Variants in IFT88 observed in about 807,000 individuals in gnomAD.
The protein encoded by IFT88 is intraflagellar transport protein 88 homolog.
A neutral mutation model predicts 119.5 loss-of-function variants in IFT88; 74 were observed. That is an observed-to-expected ratio of 0.62 (90% CI 0.51 to 0.75). The LOEUF is 0.75. Ranked by LOEUF, IFT88 falls within the 30% of genes least tolerant of loss-of-function variation. IFT88 has a pLI of 0.00. For synonymous variants in IFT88, 279 were observed against 316.7 expected (o/e 0.88, Z 1.26); for missense variants, 961 against 977.7 (o/e 0.98, Z 0.23).
At chr13:20,689,189 C>T (rs1002948075) in intron 24 of IFT88, among the ~76,000 whole-genome samples, 2 of 152,174 alleles carry the variant, frequency 1.3e-5, no homozygotes, top group African/African-American at 4.8e-5. Flanking sequence ...GCCTTGGCCT[C>T]CCAAAGTGCT....
intron 16 of IFT88, 35 bp from the exon 17 acceptor site, chr13:20,638,297 G>A (rs989014662): frequency 8.6e-7 from 1 of 1,157,868 alleles, no homozygotes; most frequent in Non-Finnish European, 1.1e-6. Flanking sequence ...GGTATTTCAT[G>A]AAATTCAAAT....
At chr13:20,669,505 C>T (rs1461509679) in intron 23 of IFT88, among the ~76,000 whole-genome samples, 3 of 149,528 alleles carry the variant, frequency 2.0e-5, no homozygotes, top group Non-Finnish European at 3.0e-5. Context: ...CTCACTGCAA[C>T]CCCCACCTCC....
intron 11 of IFT88, among the ~76,000 whole-genome samples, chr13:20,600,656 C>G (rs1225517543): frequency 6.6e-6 from 1 of 152,104 alleles, no homozygotes; most frequent in Non-Finnish European, 1.5e-5. Context: ...AATTAGAAAC[C>G]TCATTCACTG....
intron 21 of IFT88, among the ~76,000 whole-genome samples, chr13:20,654,408 T>C (rs1216789572): frequency 6.6e-6 from 1 of 152,212 alleles, no homozygotes; most frequent in African/African-American, 2.4e-5. Flanking sequence ...TTTATTAAAT[T>C]CTTGCTGATG....
At chr13:20,658,340 CAAATTGCTA>C (rs2053218189) in intron 22 of IFT88, among the ~76,000 whole-genome samples, 1 of 152,138 alleles carries the variant, frequency 6.6e-6, no homozygotes, top group Non-Finnish European at 1.5e-5. Flanking sequence ...TTCAGCCTCC[CAAATTGCTA>C]GGATTGCAGG....
At chr13:20,570,070 A>G (rs1025843483) in intron 1 of IFT88, among the ~76,000 whole-genome samples, 11 of 152,042 alleles carry the variant, frequency 7.2e-5, no homozygotes, top group Non-Finnish European at 1.6e-4. Context: ...AAAGATCTGA[A>G]CAGACATTTC....
At chr13:20,610,904 C>T (rs1451996220) in intron 13 of IFT88, among the ~76,000 whole-genome samples, 6 of 151,872 alleles carry the variant, frequency 4.0e-5, no homozygotes, top group South Asian at 2.1e-4. Flanking sequence ...TTTGTGGTAC[C>T]GAGGTGGGTG....
rs2057366566 is a variant in IFT88 at position 20,681,915 on chromosome 13, T to C, written c.2243-8790T>C. Among the ~76,000 whole-genome samples, 3 of 152,262 alleles carry C rather than the reference T, an allele frequency of 2.0e-5. No homozygotes were observed. In the South Asian group the frequency reaches 6.2e-4, roughly 31 times the overall value. On this transcript the variant is annotated intron_variant, in intron 24 of 25. Transcript: ENST00000351808. ...GCTTTACCATTACTAGACCCATCTG[T>C]AAAAACATTTTCAGCACCTACAGCT... is the stretch of plus-strand genomic sequence containing the variant.
At chr13:20,612,949 G>A (rs1452091004) in intron 13 of IFT88, among the ~76,000 whole-genome samples, 3 of 152,062 alleles carry the variant, frequency 2.0e-5, no homozygotes, top group Admixed American at 1.3e-4. Flanking sequence ...TAACTAAAAT[G>A]AACTATAGAC....
intron 12 of IFT88, among the ~76,000 whole-genome samples, chr13:20,602,645 G>A (rs2042801498): frequency 6.6e-6 from 1 of 152,228 alleles, no homozygotes; most frequent in African/African-American, 2.4e-5. Flanking sequence ...AGCACTTTGG[G>A]AGGCTGAGGT....
chr13:20,660,662 C>T (rs1476703899), intron 22 of IFT88, among the ~76,000 whole-genome samples: 2 of 152,028 alleles, frequency 1.3e-5, no homozygotes, highest in Non-Finnish European at 2.9e-5. Context: ...CACTTGCTGG[C>T]CATTTAGATG....
intron 20 of IFT88, among the ~76,000 whole-genome samples, chr13:20,647,046 T>C (rs561632094): frequency 2.0e-5 from 3 of 152,298 alleles, no homozygotes; most frequent in Non-Finnish European, 2.9e-5. Flanking sequence ...GTCTTAAGTA[T>C]TTCTCTCCCT....
intron 24 of IFT88, among the ~76,000 whole-genome samples, chr13:20,682,869 T>C (rs2057482003): frequency 1.3e-5 from 2 of 152,196 alleles, no homozygotes; most frequent in African/African-American, 4.8e-5. Flanking sequence ...TGCAGGTTGT[T>C]TACCACAGGA....
In IFT88 at chr13:20,582,994, G is replaced by C; in HGVS notation, c.128G>C (p.Arg43Thr). 1 of 1,611,586 alleles carries C rather than the reference G, an allele frequency of 6.2e-7. No homozygotes were observed. Among genetic ancestry groups the C allele is most frequent in the Non-Finnish European group, 8.5e-7 (1 of 1,178,684 alleles). Residue 43 changes from arginine to threonine, a missense_variant, in exon 3 of 26, where the codon AGG becomes ACG. By Grantham distance (71) the Arg-to-Thr change is moderately conservative. Coordinates refer to ENST00000351808, the MANE Select transcript of IFT88 (RefSeq NM_006531.5). ...ENDAAFQQAV[R>T]TSHGRRPPIT... is the part of the protein sequence containing the mutation. ...GATGCAGCTTTTCAGCAAGCTGTGA[G>C]GACTAGTCATGGCAGAAGACCTCCA...
At chr13:20,597,688 G>A (rs995542237) in intron 9 of IFT88, among the ~76,000 whole-genome samples, 15 of 151,368 alleles carry the variant, frequency 9.9e-5, no homozygotes, top group Middle Eastern at 3.4e-3. Flanking sequence ...AGCTTGCGGC[G>A]AGCCAAGATC....
intron 4 of IFT88, 79 bp from the exon 5 acceptor site, chr13:20,590,888 A>C (rs1033034184): frequency 2.0e-6 from 2 of 986,738 alleles, no homozygotes; most frequent in African/African-American, 3.3e-5. Flanking sequence ...TAGAATGAAG[A>C]AAACTTCTAT....
intron 20 of IFT88, among the ~76,000 whole-genome samples, chr13:20,647,532 G>A (rs1054385721): frequency 2.0e-5 from 3 of 152,162 alleles, no homozygotes; most frequent in African/African-American, 7.2e-5. Flanking sequence ...ATAATATGAT[G>A]TTTTGGCAAT....
chr13:20,685,428 A>G (rs2057804342), intron 24 of IFT88, among the ~76,000 whole-genome samples: 1 of 152,246 alleles, frequency 6.6e-6, no homozygotes, highest in Non-Finnish European at 1.5e-5. Flanking sequence ...AACCTATAAA[A>G]TTAGCAATGA....
chr13:20,663,281 C>G, intron 22 of IFT88: 1 of 1,477,660 alleles, frequency 6.8e-7, no homozygotes, highest in Non-Finnish European at 9.0e-7. Context: ...AGCGTGAGGA[C>G]AGGACACATG....
Sources: gnomAD v4.1 joint callset for allele counts (sites outside exome capture counted in the v4.1 genomes callset) on GRCh38, gnomAD v4.1.1 for gene constraint, MANE v1.5 for transcripts, NCBI Gene and HGNC (gene_info 2026-07-23, HGNC 2026-07-21) for gene names.